Variants in KRABD3 observed in about 807,000 individuals in gnomAD.
The protein encoded by KRABD3 is KRAB domain containing 3, also known as KRAB domain-containing protein 3.
the KRABD3 span, chr7:149,722,972 T>A: frequency 6.4e-7 from 1 of 1,551,782 alleles, no homozygotes; most frequent in Non-Finnish European, 8.7e-7. Context: ...TTCTGGGGCC[T>A]CAGGCTGAGG....
At chr7:149,715,218 C>T in the KRABD3 span, 2 of 1,216,352 alleles carry the variant, frequency 1.6e-6, no homozygotes, top group Admixed American at 8.6e-5. Flanking sequence ...AAGTTCAGGT[C>T]CTCGGACAAC....
chr7:149,728,442 A>G, the KRABD3 span: 7 of 1,501,748 alleles, frequency 4.7e-6, no homozygotes, highest in East Asian at 9.0e-5. Flanking sequence ...TTCCCTGGAC[A>G]CAGCAGAAGA....
At chr7:149,721,408 C>G in the KRABD3 span, 4 of 1,609,788 alleles carry the variant, frequency 2.5e-6, no homozygotes, top group Admixed American at 6.7e-5. Context: ...CCTGCCCTCT[C>G]CGAGGCCTGC....
At chr7:149,721,536 G>C in the KRABD3 span, 3 of 1,611,124 alleles carry the variant, frequency 1.9e-6, no homozygotes, top group Non-Finnish European at 2.5e-6. Context: ...CTCCCCATCA[G>C]TGAGTCTGAC....
At chr7:149,723,588 A>G in the KRABD3 span, 2 of 742,600 alleles carry the variant, frequency 2.7e-6, no homozygotes, top group Admixed American at 2.9e-5. Flanking sequence ...GTGTGGACCC[A>G]GGCACTGGGA....
At chr7:149,720,246 C>A in the KRABD3 span, 1 of 1,150,858 alleles carries the variant, frequency 8.7e-7, no homozygotes, top group Non-Finnish European at 1.2e-6. Flanking sequence ...CCTACTGCAA[C>A]CTCCCAAGCT....
At chr7:149,718,523 T>TTTC in the KRABD3 span, among the ~76,000 whole-genome samples, 1 of 144,006 alleles carries the variant, frequency 6.9e-6, no homozygotes, top group East Asian at 2.0e-4. Flanking sequence ...CTTTTTTTTT[T>TTTC]TTTTTTTTTT....
At chr7:149,729,228 G>A in the KRABD3 span, 2 of 1,597,082 alleles carry the variant, frequency 1.3e-6, no homozygotes, top group East Asian at 2.3e-5. Context: ...GTCTCGGGCA[G>A]GGTAGGGGAG....
chr7:149,732,020 G>C, the KRABD3 span, among the ~76,000 whole-genome samples: 1 of 152,202 alleles, frequency 6.6e-6, no homozygotes, highest in Non-Finnish European at 1.5e-5. This position sits in a 1 kb window ranked among gnomAD's most constrained non-coding sequence, Gnocchi z 4.0. Flanking sequence ...GGGCTTGAGG[G>C]GACTTTAGAG....
the KRABD3 span, chr7:149,730,262 C>T: frequency 9.0e-6 from 14 of 1,555,482 alleles, no homozygotes; most frequent in African/African-American, 2.7e-5. Context: ...GCCCCAGCCC[C>T]GGCTCCAGCT....
chr7:149,715,375 T>C, the KRABD3 span: 1 of 1,158,902 alleles, frequency 8.6e-7, no homozygotes. Context: ...ACTTCTGTTC[T>C]TGGTGGAATC....
the KRABD3 span, chr7:149,725,818 C>A: frequency 2.2e-6 from 3 of 1,389,816 alleles, no homozygotes; most frequent in East Asian, 5.0e-5. Context: ...GGTGCCCGTG[C>A]ACCCCATGGC....
At chr7:149,724,261 C>A in the KRABD3 span, among the ~76,000 whole-genome samples, 1 of 152,128 alleles carries the variant, frequency 6.6e-6, no homozygotes, top group Non-Finnish European at 1.5e-5. Context: ...AGCTGGGAAC[C>A]CCAAATCCTA....
the KRABD3 span, among the ~76,000 whole-genome samples, chr7:149,726,566 T>C: frequency 3.3e-5 from 5 of 151,712 alleles, no homozygotes; most frequent in Admixed American, 2.0e-4. Context: ...GTCTCCCGAG[T>C]AGCTGGGGTT....
chr7:149,717,230 C>G, the KRABD3 span, among the ~76,000 whole-genome samples: 1 of 152,214 alleles, frequency 6.6e-6, no homozygotes, highest in Non-Finnish European at 1.5e-5. Flanking sequence ...AACCAAAATT[C>G]CAGACTCCCA....
At chr7:149,728,613 C>G in the KRABD3 span, 1 of 1,613,700 alleles carries the variant, frequency 6.2e-7, no homozygotes, top group Non-Finnish European at 8.5e-7. Context: ...TGGCCCTGCT[C>G]CTCAGCAGCA....
At chr7:149,723,937 ACCCT>A in the KRABD3 span, 5 of 1,596,014 alleles carry the variant, frequency 3.1e-6, no homozygotes, top group Non-Finnish European at 4.3e-6. Context: ...ATCCTACATT[ACCCT>A]GCCCCAGGCA....
the KRABD3 span, chr7:149,724,854 G>T: frequency 6.4e-7 from 1 of 1,558,544 alleles, no homozygotes. Context: ...CTCAAGGTGA[G>T]GCCTGAGATT....
the KRABD3 span, chr7:149,729,373 G>A: frequency 1.8e-5 from 27 of 1,470,476 alleles, no homozygotes; most frequent in South Asian, 3.5e-4. Flanking sequence ...CCCAGAGGGT[G>A]AGCTGGCACC....
Sources: allele counts gnomAD v4.1 joint callset (sites outside exome capture counted in the v4.1 genomes callset), GRCh38; gene constraint gnomAD v4.1.1; non-coding constraint Gnocchi (gnomAD v3.1); transcripts MANE v1.5; gene names NCBI Gene and HGNC (gene_info 2026-07-23, HGNC 2026-07-21).